Variants in APBB2 observed in about 807,000 individuals in gnomAD.
APBB2 encodes Fe65-like 1.
Under a neutral mutation model 82.5 loss-of-function variants are expected in APBB2, and 38 were observed. The observed-to-expected ratio is 0.46, with a 90% CI of 0.36 to 0.60. The LOEUF is 0.60. Ranked by LOEUF, APBB2 falls within the 20% of genes least tolerant of loss-of-function variation. The pLI, the probability that APBB2 is intolerant of heterozygous loss-of-function variation, is 0.00. For synonymous variants in APBB2, 341 were observed against 368.2 expected (o/e 0.93, Z 0.85); for missense variants, 772 against 972.3 (o/e 0.79, Z 2.74).
intron 4 of APBB2, among the ~76,000 whole-genome samples, chr4:41,049,771 A>G (rs1407777150): frequency 6.6e-6 from 1 of 152,242 alleles, no homozygotes; most frequent in Admixed American, 6.5e-5. Context: ...GGGAGACTCC[A>G]TTTTGTTCTG....
chr4:41,007,672 T>C (rs1026076034), intron 6 of APBB2, among the ~76,000 whole-genome samples: 1 of 152,208 alleles, frequency 6.6e-6, no homozygotes, highest in African/African-American at 2.4e-5. Flanking sequence ...ATACAAATTG[T>C]TATTACTTTT....
intron 6 of APBB2, among the ~76,000 whole-genome samples, chr4:41,003,836 C>T (rs1399457703): frequency 1.3e-5 from 2 of 152,190 alleles, no homozygotes; most frequent in Non-Finnish European, 2.9e-5. Context: ...CCTCAGCCTC[C>T]TGAGTAGCTG....
chr4:41,213,623 A>G (rs1271318630), intron 1 of APBB2, among the ~76,000 whole-genome samples: 1 of 152,202 alleles, frequency 6.6e-6, no homozygotes, highest in East Asian at 1.9e-4. Flanking sequence ...TATGGGTCTC[A>G]GCATCCTTCC....
Position 40,813,920 on chromosome 4 carries a change from G to A in APBB2, c.*2172C>T, listed in dbSNP as rs1744960461. ...TGCAGTAATTTCTTATGATGGCACT[G>A]GTTACTTCAGATCAGTAGTATGTCA... On this transcript the variant is annotated 3_prime_UTR_variant, in exon 18 of 18. Transcript: ENST00000508593. 6.6e-6 allele frequency: 1 copy of A among 152,152 alleles called. No homozygotes were observed. Among genetic ancestry groups the A allele is most frequent in the African/African-American group, 2.4e-5 (1 of 41,416 alleles). The allele number at this position is 152,152 out of a possible 1,614,324, so 9.4% of individuals were successfully genotyped here.
chr4:41,008,053 GA>G (rs1459311462), intron 6 of APBB2, among the ~76,000 whole-genome samples: 1 of 152,200 alleles, frequency 6.6e-6, no homozygotes, highest in Admixed American at 6.5e-5. Context: ...TAGAGGAATG[GA>G]AAGATCCCCT....
At chr4:40,999,580 G>A (rs996110048) in intron 6 of APBB2, among the ~76,000 whole-genome samples, 1 of 152,156 alleles carries the variant, frequency 6.6e-6, no homozygotes, top group Non-Finnish European at 1.5e-5. Flanking sequence ...AAGTGTCTAA[G>A]CAACAGGGGT....
intron 6 of APBB2, among the ~76,000 whole-genome samples, chr4:40,995,700 C>T (rs1031116495): frequency 2.0e-5 from 3 of 151,980 alleles, no homozygotes; most frequent in Non-Finnish European, 2.9e-5. Flanking sequence ...CTATGTCTGG[C>T]TAATTTTTTA....
rs187998813 is a variant in APBB2 at position 41,122,319 on chromosome 4, C to T, written c.-261+20668G>A. On this transcript the variant is annotated intron_variant, in intron 2 of 17. Coordinates refer to ENST00000508593, the MANE Select transcript of APBB2 (RefSeq NM_004307.2). ...GACTGGGGTCTGTACAATAGTTTTC[C>T]TCCACAATAGAAGCTGACTTTTTTT... 3.3e-5 allele frequency among the ~76,000 whole-genome samples: 5 copies of T among 152,292 alleles called. No individual in the cohort carries two copies. The East Asian group carries it at 9.6e-4, about 29-fold the overall frequency.
intron 1 of APBB2, among the ~76,000 whole-genome samples, chr4:41,195,669 G>A: frequency 1.1e-4 from 16 of 152,196 alleles, no homozygotes; most frequent in Admixed American, 3.3e-4. Flanking sequence ...GGCCCTTTCC[G>A]TGTCCTAAAC....
intron 12 of APBB2, among the ~76,000 whole-genome samples, chr4:40,835,042 G>A (rs1753396048): frequency 6.6e-6 from 1 of 152,126 alleles, no homozygotes; most frequent in Non-Finnish European, 1.5e-5. Flanking sequence ...ACTTTGGGAG[G>A]CCAAGGTGGC....
chr4:40,833,973 T>TA (rs1314790120), intron 12 of APBB2, among the ~76,000 whole-genome samples: 1 of 152,254 alleles, frequency 6.6e-6, no homozygotes, highest in Non-Finnish European at 1.5e-5. Flanking sequence ...GGCTTAACTT[T>TA]AAAAAATTAT....
In APBB2 at chr4:41,107,583, A is replaced by G. The variant is rs565206879; in HGVS notation, c.-260-6833T>C. Among the ~76,000 whole-genome samples, 4 of 152,278 alleles carry G rather than the reference A, an allele frequency of 2.6e-5. No individual in the cohort carries two copies. In the South Asian group the frequency reaches 8.3e-4, roughly 32 times the overall value. ...ACACACAGTCTCAGAATATCACCCC[A>G]CAGATTACCTAAGAGAAAAGGCATC... is the stretch of plus-strand genomic sequence containing the variant. On this transcript the variant is annotated intron_variant, in intron 2 of 17. Transcript: ENST00000508593.
intron 12 of APBB2, among the ~76,000 whole-genome samples, chr4:40,853,033 C>T (rs1759977675): frequency 6.6e-6 from 1 of 152,150 alleles, no homozygotes; most frequent in Admixed American, 6.5e-5. Context: ...CTTCTATTAG[C>T]ATGTATTTTC....
At chr4:41,060,802 A>AG (rs1360645022) in intron 4 of APBB2, among the ~76,000 whole-genome samples, 1 of 152,158 alleles carries the variant, frequency 6.6e-6, no homozygotes, top group Non-Finnish European at 1.5e-5. Context: ...CACATACCAG[A>AG]GGGGAAACAG....
At chr4:41,131,632 T>C (rs2585587) in intron 2 of APBB2, among the ~76,000 whole-genome samples, 143,851 of 152,256 alleles carry the variant, frequency 0.94, 68,248 homozygotes, top group Non-Finnish European at 0.99. Context: ...GAAGGAGATA[T>C]GGCAAAAATA....
chr4:40,864,609 C>T (rs1320709618), intron 12 of APBB2, among the ~76,000 whole-genome samples: 1 of 152,116 alleles, frequency 6.6e-6, no homozygotes, highest in East Asian at 1.9e-4. Flanking sequence ...TTCCGAAGCC[C>T]TAGGCAGGCA....
intron 12 of APBB2, among the ~76,000 whole-genome samples, chr4:40,860,430 T>C (rs1762493088): frequency 6.6e-6 from 1 of 152,166 alleles, no homozygotes; most frequent in Non-Finnish European, 1.5e-5. Context: ...TGGTTGACAA[T>C]ACTCTGTGCT....
At chr4:41,204,664 C>T (rs183523505) in intron 1 of APBB2, among the ~76,000 whole-genome samples, 5 of 152,318 alleles carry the variant, frequency 3.3e-5, no homozygotes, top group Admixed American at 3.3e-4. Context: ...AGACCCAGAG[C>T]TCCGAGCAGG....
intron 10 of APBB2, among the ~76,000 whole-genome samples, chr4:40,933,110 G>A (rs938449028): frequency 1.8e-4 from 28 of 152,110 alleles, no homozygotes; most frequent in African/African-American, 1.7e-4. Context: ...GTGATCCGCC[G>A]CCCTCGGCCT....
Sources: allele counts gnomAD v4.1 joint callset (sites outside exome capture counted in the v4.1 genomes callset), GRCh38; gene constraint gnomAD v4.1.1; transcripts MANE v1.5; gene names NCBI Gene and HGNC (gene_info 2026-07-23, HGNC 2026-07-21).